Variants in DLG2 observed in about 807,000 individuals in gnomAD.
DLG2 encodes disks large homolog 2.
DLG2 carries 45 observed loss-of-function variants against 132.5 expected under a neutral mutation model. That is an observed-to-expected ratio of 0.34 (90% confidence interval 0.27 to 0.44). The LOEUF is 0.44. DLG2 is among the 20% of genes least tolerant of loss of function. DLG2 has a pLI of 1.00. For synonymous variants in DLG2, 424 were observed against 419.6 expected (o/e 1.01, Z -0.13); for missense variants, 1,045 against 1,196.9 (o/e 0.87, Z 1.87).
chr11:85,427,128 G>A (rs1437447701), intron 3 of DLG2, among the ~76,000 whole-genome samples: 1 of 152,208 alleles, frequency 6.6e-6, no homozygotes, highest in Non-Finnish European at 1.5e-5. Flanking sequence ...GGGACTATGT[G>A]AAAAGACCAA....
At chr11:84,472,922 A>G (rs2099112227) in intron 7 of DLG2, among the ~76,000 whole-genome samples, 1 of 152,052 alleles carries the variant, frequency 6.6e-6, no homozygotes, top group Admixed American at 6.6e-5. Context: ...TTATCACTAA[A>G]CCTCATTCTT....
At chr11:84,235,965 T>C (rs2097152733) in intron 8 of DLG2, among the ~76,000 whole-genome samples, 1 of 151,994 alleles carries the variant, frequency 6.6e-6, no homozygotes, top group African/African-American at 2.4e-5. Flanking sequence ...GGTTCAGTAA[T>C]AGCTATTTTT....
chr11:84,171,589 T>C (rs1386214100), intron 8 of DLG2, among the ~76,000 whole-genome samples: 5 of 152,222 alleles, frequency 3.3e-5, no homozygotes, highest in Admixed American at 3.3e-4. Context: ...TTCCATTGTA[T>C]ACATATACCA....
At chr11:84,022,392 T>A (rs1036013074) in intron 11 of DLG2, among the ~76,000 whole-genome samples, 1 of 152,150 alleles carries the variant, frequency 6.6e-6, no homozygotes, top group Non-Finnish European at 1.5e-5. Flanking sequence ...CACTTAGTCT[T>A]TTTGACATTT....
chr11:83,788,267 T>G (rs1453630017), intron 17 of DLG2, among the ~76,000 whole-genome samples: 1 of 152,214 alleles, frequency 6.6e-6, no homozygotes, highest in Non-Finnish European at 1.5e-5. Flanking sequence ...CATGATCCTC[T>G]CATAATAACT....
intron 4 of DLG2, among the ~76,000 whole-genome samples, chr11:85,177,869 T>C (rs2079410419): frequency 6.6e-6 from 1 of 152,052 alleles, no homozygotes; most frequent in South Asian, 2.1e-4. Context: ...TTGTAGTACT[T>C]CTGCCAAAAA....
intron 7 of DLG2, among the ~76,000 whole-genome samples, chr11:84,416,961 G>A (rs540525747): frequency 6.6e-6 from 1 of 152,254 alleles, no homozygotes; most frequent in South Asian, 2.1e-4. Flanking sequence ...TATAATTATT[G>A]AAATATGAAT....
intron 7 of DLG2, among the ~76,000 whole-genome samples, chr11:84,466,451 G>T (rs533604718): frequency 1.3e-5 from 2 of 151,086 alleles, no homozygotes; most frequent in African/African-American, 2.4e-5. Flanking sequence ...CAAGAAAACC[G>T]CTAAAAGCCC....
chr11:84,007,347 T>C (rs1364797435), intron 11 of DLG2, among the ~76,000 whole-genome samples: 1 of 151,708 alleles, frequency 6.6e-6, no homozygotes, highest in Non-Finnish European at 1.5e-5. Context: ...GTGACAAGTG[T>C]TAATATTTTC....
At chr11:85,426,773 T>C (rs1455678705) in intron 3 of DLG2, among the ~76,000 whole-genome samples, 1 of 152,126 alleles carries the variant, frequency 6.6e-6, no homozygotes, top group Non-Finnish European at 1.5e-5. Context: ...CAAAGCTGAA[T>C]GGAGAATGAC....
chr11:85,316,588 G>A (rs1341106045), intron 3 of DLG2, among the ~76,000 whole-genome samples: 1 of 151,918 alleles, frequency 6.6e-6, no homozygotes, highest in Non-Finnish European at 1.5e-5. Context: ...TCTTTCTTGT[G>A]CCTATTTGCT....
At chr11:84,477,270 G>A (rs1178040632) in intron 7 of DLG2, among the ~76,000 whole-genome samples, 1 of 152,032 alleles carries the variant, frequency 6.6e-6, no homozygotes, top group East Asian at 1.9e-4. Flanking sequence ...TGAAGTGGGT[G>A]GATAACCTGA....
chr11:84,921,680 C>G (rs942508887), intron 6 of DLG2, among the ~76,000 whole-genome samples: 1 of 152,048 alleles, frequency 6.6e-6, no homozygotes, highest in South Asian at 2.1e-4. Context: ...GGAGCTTCCG[C>G]TGAATAAAGT....
chr11:83,492,653 C>G (rs975000695), intron 21 of DLG2, among the ~76,000 whole-genome samples: 3 of 152,080 alleles, frequency 2.0e-5, no homozygotes, highest in Non-Finnish European at 4.4e-5. Context: ...TTGGGAAATT[C>G]TAACTCTTCC....
intron 8 of DLG2, among the ~76,000 whole-genome samples, chr11:84,244,450 T>C (rs2097275838): frequency 6.6e-6 from 1 of 152,158 alleles, no homozygotes; most frequent in Non-Finnish European, 1.5e-5. Flanking sequence ...CCTCCCAAAG[T>C]GCTGGGATTA....
rs550882735 is a variant in DLG2 at position 84,619,170 on chromosome 11, TAA to T, written c.358-84441_358-84440del. The stretch of plus-strand genomic sequence containing the variant: ...AATGAATTTCAGAGAATAGTTACCA[TAA>T]AAAGTTTTCTAGATATTATTAAATC... On this transcript the variant is annotated intron_variant, in intron 6 of 27. Coordinates refer to ENST00000376104, the MANE Select transcript of DLG2 (RefSeq NM_001142699.3). 9.6e-4 allele frequency among the ~76,000 whole-genome samples: 146 copies of T among 151,984 alleles called. 1 individual carries two copies. The highest frequency in any genetic ancestry group is 1.6e-3 in the Admixed American group (24 of 15,258).
At chr11:85,109,396 G>A (rs532037566) in intron 6 of DLG2, among the ~76,000 whole-genome samples, 3 of 152,114 alleles carry the variant, frequency 2.0e-5, no homozygotes, top group South Asian at 2.1e-4. Flanking sequence ...TAATGCTGGC[G>A]CTCTGACTTG....
intron 19 of DLG2, among the ~76,000 whole-genome samples, chr11:83,585,993 C>T (rs993051936): frequency 6.6e-6 from 1 of 152,208 alleles, no homozygotes; most frequent in South Asian, 2.1e-4. Context: ...TAAAAGCCAA[C>T]CTTCTCCTAG....
At chr11:83,851,079 A>G (rs938689889) in intron 16 of DLG2, among the ~76,000 whole-genome samples, 1 of 151,738 alleles carries the variant, frequency 6.6e-6, no homozygotes, top group African/African-American at 2.4e-5. Context: ...TGGGAGGCTG[A>G]GGCAGGAGAA....
Sources: allele counts gnomAD v4.1 joint callset (sites outside exome capture counted in the v4.1 genomes callset), GRCh38; gene constraint gnomAD v4.1.1; transcripts MANE v1.5; gene names NCBI Gene and HGNC (gene_info 2026-07-23, HGNC 2026-07-21).